Variants in ODAD2 observed in about 807,000 individuals in gnomAD.
ODAD2 encodes the protein outer dynein arm-docking complex subunit 2.
A neutral mutation model predicts 106.8 loss-of-function variants in ODAD2; 89 were observed. The ratio of observed to expected loss-of-function variants is 0.83; its 90% CI spans 0.70 to 0.99. The LOEUF is 0.99. Ranked by LOEUF, ODAD2 falls within the 50% of genes least tolerant of loss-of-function variation. ODAD2 has a pLI of 0.00. For synonymous variants in ODAD2, 404 were observed against 436.2 expected, an observed-to-expected ratio of 0.93 and a Z score of 0.92; for missense variants, 1,168 against 1,238.5, an observed-to-expected ratio of 0.94 and a Z score of 0.85.
chr10:27,937,080 G>C (rs1006891284), intron 14 of ODAD2, among the ~76,000 whole-genome samples, 200 bp from the exon 15 acceptor site: 47 of 152,236 alleles, frequency 3.1e-4, no homozygotes, highest in African/African-American at 1.1e-3. Context: ...GTGGCTTTGG[G>C]AATGGATAGC....
At chr10:27,816,868 G>C (rs1836174294) in intron 19 of ODAD2, among the ~76,000 whole-genome samples, 1 of 152,146 alleles carries the variant, frequency 6.6e-6, no homozygotes, top group African/African-American at 2.4e-5. Context: ...TCCTGCCTCA[G>C]CCTCCTGAGT....
chr10:27,967,615 G>T (rs1401398329), intron 9 of ODAD2, among the ~76,000 whole-genome samples: 1 of 151,998 alleles, frequency 6.6e-6, no homozygotes, highest in Non-Finnish European at 1.5e-5. Context: ...TTTAGGCCAG[G>T]TGCAGTGGCT....
chr10:27,986,795 T>C (rs1274767825), intron 3 of ODAD2, among the ~76,000 whole-genome samples: 4 of 151,626 alleles, frequency 2.6e-5, no homozygotes, highest in Non-Finnish European at 5.9e-5. Flanking sequence ...TAGATGATAG[T>C]GTGAACATCA....
chr10:27,885,768 ATTATATAAAATATATAT>A lies in ODAD2; in HGVS notation c.2610+21878_2610+21894del, dbSNP rs1564466554. 6.8e-4 allele frequency among the ~76,000 whole-genome samples: 31 copies of A among 45,530 alleles called. 1 individual carries two copies. The highest frequency in any genetic ancestry group is 2.2e-3 in the African/African-American group (30 of 13,480). The allele number at this position is 45,530 out of a possible 152,430, so 29.9% of individuals were successfully genotyped here. On this transcript the variant is annotated intron_variant, in intron 17 of 19. Transcript: ENST00000305242. ...TATATATAATATATATTTTATATAT[ATTATATAAAATATATAT>A]TATATATAATATATATAAAATATAT...
chr10:27,866,405 C>T, intron 17 of ODAD2, among the ~76,000 whole-genome samples: 1 of 152,186 alleles, frequency 6.6e-6, no homozygotes, highest in East Asian at 1.9e-4. Context: ...AGGCCATGCA[C>T]ATGTAAATTC....
At chr10:27,943,642 C>T (rs113955727) in intron 12 of ODAD2, among the ~76,000 whole-genome samples, 12 of 151,566 alleles carry the variant, frequency 7.9e-5, no homozygotes, top group African/African-American at 2.7e-4. Context: ...TAAAAATTGG[C>T]CGGGCTTGAT....
rs78251735 is a variant in ODAD2, at chr10:27,992,385, T to C, written c.224+2534A>G. 6.4e-3 allele frequency among the ~76,000 whole-genome samples: 972 copies of C among 152,272 alleles called. 16 individuals are homozygous for C. The highest frequency in any genetic ancestry group is 0.022 in the African/African-American group (932 of 41,548). Reference sequence around the variant, plus strand: ...AAATGCCCTTCTCAGGAGGGAACACTGTGCATAAAGACTGCATGCAGAGCT... The same window carrying C: ...AAATGCCCTTCTCAGGAGGGAACACCGTGCATAAAGACTGCATGCAGAGCT... On this transcript the variant is annotated intron_variant, in intron 2 of 19. Transcript: ENST00000305242.
intron 16 of ODAD2, among the ~76,000 whole-genome samples, chr10:27,916,545 C>T (rs995205812): frequency 6.6e-6 from 1 of 152,012 alleles, no homozygotes; most frequent in African/African-American, 2.4e-5. Context: ...TCTCTGCCAC[C>T]CCTGAGACAG....
At chr10:27,925,149 C>T (rs1391125942) in intron 16 of ODAD2, among the ~76,000 whole-genome samples, 2 of 151,998 alleles carry the variant, frequency 1.3e-5, no homozygotes, top group Admixed American at 1.3e-4. Context: ...CTAACAGAGT[C>T]CTACCTCACA....
intron 17 of ODAD2, among the ~76,000 whole-genome samples, chr10:27,869,254 T>C (rs537084414): frequency 2.4e-4 from 37 of 152,080 alleles, no homozygotes; most frequent in African/African-American, 8.7e-4. Flanking sequence ...TAACAAAAAA[T>C]TCAAGGCAAC....
chr10:27,896,225 C>T (rs1263652628), intron 17 of ODAD2, among the ~76,000 whole-genome samples: 1 of 152,154 alleles, frequency 6.6e-6, no homozygotes, highest in Non-Finnish European at 1.5e-5. Context: ...TTAGTTAATT[C>T]AATAAATGGA....
At chr10:27,923,323 G>T (rs1844926436) in intron 16 of ODAD2, among the ~76,000 whole-genome samples, 1 of 137,502 alleles carries the variant, frequency 7.3e-6, no homozygotes, top group Non-Finnish European at 1.6e-5. Context: ...TCAAGCAAAT[G>T]GAAACAGTAA....
At chr10:27,891,765 A>T (rs1842578584) in intron 17 of ODAD2, among the ~76,000 whole-genome samples, 1 of 152,198 alleles carries the variant, frequency 6.6e-6, no homozygotes, top group South Asian at 2.1e-4. Context: ...AAATAATATT[A>T]AAAATGCACT....
chr10:27,993,974 A>ATATATATGTGTGTG (rs369833558), intron 2 of ODAD2, among the ~76,000 whole-genome samples: 1 of 140,546 alleles, frequency 7.1e-6, no homozygotes, highest in Non-Finnish European at 1.5e-5. Flanking sequence ...ATATATATAT[A>ATATATATGTGTGTG]TGTGTGTGTG....
At chr10:27,996,271 T>C (rs1374390672) in intron 1 of ODAD2, among the ~76,000 whole-genome samples, 2 of 152,212 alleles carry the variant, frequency 1.3e-5, no homozygotes, top group East Asian at 3.8e-4. Flanking sequence ...CTCCCATCAT[T>C]ATTAAAAAGG....
intron 17 of ODAD2, among the ~76,000 whole-genome samples, chr10:27,878,859 T>A (rs1392351142): frequency 2.0e-5 from 3 of 152,020 alleles, no homozygotes; most frequent in Non-Finnish European, 2.9e-5. Flanking sequence ...CCAACAACTT[T>A]AAAAAAAATT....
intron 17 of ODAD2, among the ~76,000 whole-genome samples, chr10:27,884,286 T>C (rs778141558): frequency 9.2e-5 from 14 of 152,094 alleles, no homozygotes; most frequent in Admixed American, 2.0e-4. Flanking sequence ...CATTCTCCTA[T>C]GGAAACATTA....
At chr10:27,824,899 G>A (rs564993999) in intron 19 of ODAD2, among the ~76,000 whole-genome samples, 1 of 152,272 alleles carries the variant, frequency 6.6e-6, no homozygotes, top group South Asian at 2.1e-4. Flanking sequence ...GGATTTTACT[G>A]AGATTTCCCC....
At chr10:27,824,001 G>A (rs866523551) in intron 19 of ODAD2, among the ~76,000 whole-genome samples, 8 of 138,214 alleles carry the variant, frequency 5.8e-5, no homozygotes, top group Admixed American at 1.5e-4. Flanking sequence ...TTAGCCGGGC[G>A]AGGTGGCGGG....
Sources: allele counts gnomAD v4.1 joint callset (sites outside exome capture counted in the v4.1 genomes callset), GRCh38; gene constraint gnomAD v4.1.1; transcripts MANE v1.5; gene names NCBI Gene and HGNC (gene_info 2026-07-23, HGNC 2026-07-21).